The following IGSF11 variants were observed in gnomAD, a reference collection of about 807,000 sequenced individuals.
IGSF11 encodes CXADR like 1.
A neutral mutation model predicts 41.0 loss-of-function variants in IGSF11; 22 were observed. The observed-to-expected ratio is 0.54, with a 90% CI of 0.38 to 0.77. The LOEUF (loss-of-function observed/expected upper bound fraction) is 0.77, where lower values mean the gene tolerates loss of function less well. IGSF11 is among the 30% of genes least tolerant of loss of function. The pLI, the probability that IGSF11 is intolerant of heterozygous loss-of-function variation, is 0.00. For missense variants in IGSF11, 444 were observed against 530.8 expected, an observed-to-expected ratio of 0.84 and a Z score of 1.61; for synonymous variants, 219 against 201.3, an observed-to-expected ratio of 1.09 and a Z score of -0.74.
At chr3:119,029,703 T>C (rs996787169) in intron 1 of IGSF11, among the ~76,000 whole-genome samples, 3 of 152,220 alleles carry the variant, frequency 2.0e-5, no homozygotes, top group Admixed American at 6.5e-5. Context: ...AAAGTGAGTA[T>C]AGGGGTTCTC....
intron 1 of IGSF11, among the ~76,000 whole-genome samples, chr3:119,093,418 T>A (rs1161487155): frequency 2.0e-5 from 3 of 147,394 alleles, no homozygotes; most frequent in Non-Finnish European, 3.0e-5. Flanking sequence ...TTTTTTTTTT[T>A]AAACCTGACC....
At chr3:119,051,307 T>G (rs1941616217) in intron 1 of IGSF11, among the ~76,000 whole-genome samples, 1 of 151,786 alleles carries the variant, frequency 6.6e-6, no homozygotes, top group Non-Finnish European at 1.5e-5. Context: ...AAACCAAAAG[T>G]AAGCAGGAGT....
intron 1 of IGSF11, among the ~76,000 whole-genome samples, chr3:118,932,993 G>T (rs1200520979): frequency 1.3e-5 from 2 of 152,258 alleles, no homozygotes; most frequent in Non-Finnish European, 2.9e-5. Context: ...GTGAGCAGAG[G>T]ACAAGGAGCT....
chr3:119,111,360 C>A (rs2077155840), intron 1 of IGSF11, among the ~76,000 whole-genome samples: 1 of 152,286 alleles, frequency 6.6e-6, no homozygotes, highest in Non-Finnish European at 1.5e-5. Context: ...ATCACTGATA[C>A]CCTTTCTTCC....
chr3:118,905,190 C>T (rs903469720), intron 5 of IGSF11, among the ~76,000 whole-genome samples: 5 of 152,050 alleles, frequency 3.3e-5, no homozygotes, highest in Non-Finnish European at 7.4e-5. Context: ...TTCAAATATC[C>T]CAGAATTCTC....
intron 1 of IGSF11, among the ~76,000 whole-genome samples, chr3:119,096,399 C>G (rs1310172339): frequency 1.3e-5 from 2 of 151,832 alleles, no homozygotes. Context: ...CACACATATA[C>G]AGCCATATAC....
At chr3:118,913,205 A>G (rs1467383484) in intron 4 of IGSF11, among the ~76,000 whole-genome samples, 1 of 152,152 alleles carries the variant, frequency 6.6e-6, no homozygotes, top group Non-Finnish European at 1.5e-5. Flanking sequence ...ACAGAATTAA[A>G]AGACTAAACC....
chr3:119,112,381 C>A (rs189340893), intron 1 of IGSF11, among the ~76,000 whole-genome samples: 2 of 152,150 alleles, frequency 1.3e-5, no homozygotes, highest in African/African-American at 2.4e-5. Context: ...ACTCTGTGGG[C>A]GTAGGACCCT....
At chr3:119,043,705 G>C (rs993772798) in intron 1 of IGSF11, among the ~76,000 whole-genome samples, 1 of 152,176 alleles carries the variant, frequency 6.6e-6, no homozygotes, top group Non-Finnish European at 1.5e-5. Context: ...CCATGGCTGG[G>C]AGACCTAAAG....
intron 1 of IGSF11, among the ~76,000 whole-genome samples, chr3:118,971,354 A>G (rs78140851): frequency 0.016 from 2,475 of 152,314 alleles, 79 homozygotes; most frequent in African/African-American, 0.056. Flanking sequence ...GAAAAACAGA[A>G]CACCAAAATT....
intron 1 of IGSF11, among the ~76,000 whole-genome samples, chr3:119,078,525 G>A (rs1455081496): frequency 6.6e-6 from 1 of 152,190 alleles, no homozygotes; most frequent in African/African-American, 2.4e-5. Flanking sequence ...GCAGAAGATT[G>A]AAGCTGGATG....
chr3:119,115,882 T>C (rs1045759704), intron 1 of IGSF11, among the ~76,000 whole-genome samples: 5 of 152,220 alleles, frequency 3.3e-5, no homozygotes, highest in Non-Finnish European at 7.3e-5. Flanking sequence ...CAAAAATTTA[T>C]AAAAGTGGTG....
Position 118,948,741 on chromosome 3 carries a change from A to G in IGSF11, c.53-18466T>C, listed in dbSNP as rs894156366. Among the ~76,000 whole-genome samples the G allele has an allele frequency of 3.3e-5, 5 of 152,214 alleles. 1 individual carries two copies. Among genetic ancestry groups the G allele is most frequent in the East Asian group, 1.9e-4 (1 of 5,166 alleles). On this transcript the variant is annotated intron_variant, in intron 1 of 6. Coordinates refer to ENST00000393775, the MANE Select transcript of IGSF11 (RefSeq NM_001015887.3). ...AGCACTTTGGGAGGCCAAGGCAGGC[A>G]GATCACGAGGTCAGGAGATAGAGAC...
At chr3:119,006,287 GT>G (rs1254914424) in intron 1 of IGSF11, among the ~76,000 whole-genome samples, 1 of 110,102 alleles carries the variant, frequency 9.1e-6, no homozygotes, top group African/African-American at 5.0e-5. Context: ...TCTTCACGTA[GT>G]TCTCGAGCCT....
At chr3:119,017,699 C>CA (rs1483225314) in intron 1 of IGSF11, among the ~76,000 whole-genome samples, 1 of 149,496 alleles carries the variant, frequency 6.7e-6, no homozygotes, top group Non-Finnish European at 1.5e-5. Context: ...GTTAGGCATT[C>CA]AAAATTTTTT....
intron 1 of IGSF11, among the ~76,000 whole-genome samples, chr3:118,941,422 G>C (rs1943692539): frequency 6.6e-6 from 1 of 152,056 alleles, no homozygotes; most frequent in African/African-American, 2.4e-5. Context: ...ACCACATTGA[G>C]ATAATACAAA....
At chr3:119,043,123 C>A (rs753040612) in intron 1 of IGSF11, among the ~76,000 whole-genome samples, 1 of 152,202 alleles carries the variant, frequency 6.6e-6, no homozygotes, top group Non-Finnish European at 1.5e-5. Context: ...AACCCGGGCA[C>A]TTAGCTATGC....
chr3:118,968,754 C>CA (rs1257411545), intron 1 of IGSF11, among the ~76,000 whole-genome samples: 11 of 152,180 alleles, frequency 7.2e-5, no homozygotes, highest in African/African-American at 2.7e-4. Flanking sequence ...TAAAAACACT[C>CA]AGAGTTCTTA....
At chr3:119,073,417 C>T (rs2076435580) in intron 1 of IGSF11, among the ~76,000 whole-genome samples, 1 of 152,178 alleles carries the variant, frequency 6.6e-6, no homozygotes, top group Admixed American at 6.5e-5. Flanking sequence ...AGCCCTTGGG[C>T]GATCGATGGG....
Sources: gnomAD v4.1 joint callset for allele counts (sites outside exome capture counted in the v4.1 genomes callset) on GRCh38, gnomAD v4.1.1 for gene constraint, MANE v1.5 for transcripts, NCBI Gene and HGNC (gene_info 2026-07-23, HGNC 2026-07-21) for gene names.